Variants in LRP6 observed in about 807,000 individuals in gnomAD.
LRP6 encodes low-density lipoprotein receptor-related protein 6.
LRP6 carries 43 observed loss-of-function variants against 184.1 expected under a neutral mutation model. The ratio of observed to expected loss-of-function variants is 0.23; its 90% CI spans 0.18 to 0.30. The LOEUF is 0.30. Ranked by LOEUF, LRP6 falls within the 10% of genes least tolerant of loss-of-function variation. LRP6 has a pLI of 1.00. For missense variants in LRP6, 1,571 were observed against 2,005.3 expected (o/e 0.78, Z 4.14); for synonymous variants, 719 against 684.9 (o/e 1.05, Z -0.78).
intron 1 of LRP6, chr12:12,248,983 A>T (rs1201435072): frequency 3.7e-6 from 2 of 545,272 alleles, no homozygotes; most frequent in Admixed American, 6.1e-5. Context: ...AGCAACAGCA[A>T]CACAAGGTGG....
intron 22 of LRP6, among the ~76,000 whole-genome samples, chr12:12,122,789 G>A (rs943078880): frequency 1.3e-5 from 2 of 151,930 alleles, no homozygotes; most frequent in African/African-American, 4.8e-5. Flanking sequence ...CTGTGATTGT[G>A]CCCCTGCACT....
Position 12,179,793 on chromosome 12 carries a change from A to G in LRP6, c.1545+17T>C. On this transcript the variant is annotated intron_variant, in intron 7 of 22. Coordinates refer to ENST00000261349, the MANE Select transcript of LRP6 (RefSeq NM_002336.3). ...CATTATAAAAGTGGCTTGAAAATGA[A>G]AAAGCAAAAAACAAACCTCAATCTT... The G allele has an allele frequency of 6.2e-7, 1 of 1,613,394 alleles. No individual in the cohort carries two copies. Among genetic ancestry groups the G allele is most frequent in the Non-Finnish European group, 8.5e-7 (1 of 1,179,628 alleles).
chr12:12,241,880 A>G (rs1865075690), intron 2 of LRP6, among the ~76,000 whole-genome samples: 1 of 152,214 alleles, frequency 6.6e-6, no homozygotes, highest in South Asian at 2.1e-4. Flanking sequence ...ACATTCAATA[A>G]TGAGAAATAA....
At chr12:12,157,093 T>C (rs1367290436) in intron 12 of LRP6, among the ~76,000 whole-genome samples, 1 of 152,244 alleles carries the variant, frequency 6.6e-6, no homozygotes, top group Non-Finnish European at 1.5e-5. Flanking sequence ...CTGCTGGCTC[T>C]TGAACTATAC....
chr12:12,180,240 C>CTTTTT (rs35341305), intron 6 of LRP6, among the ~76,000 whole-genome samples: 69 of 126,082 alleles, frequency 5.5e-4, no homozygotes, highest in African/African-American at 1.8e-3. Context: ...AGTTTTACTT[C>CTTTTT]TTTTTTTTTT....
intron 5 of LRP6, among the ~76,000 whole-genome samples, chr12:12,182,034 G>A (rs1479622713): frequency 2.0e-5 from 3 of 152,138 alleles, no homozygotes; most frequent in East Asian, 1.9e-4. Context: ...TGAGGACAAA[G>A]CAAGCTATGG....
At chr12:12,218,510 A>G (rs1440652970) in intron 2 of LRP6, among the ~76,000 whole-genome samples, 2 of 148,832 alleles carry the variant, frequency 1.3e-5, no homozygotes, top group Admixed American at 6.7e-5. Flanking sequence ...TAATAATAAT[A>G]ATAATAATAC....
chr12:12,228,279 G>A (rs1027715734), intron 2 of LRP6, among the ~76,000 whole-genome samples: 4 of 152,014 alleles, frequency 2.6e-5, no homozygotes, highest in African/African-American at 7.2e-5. Context: ...CATGATAATC[G>A]CTTGAACCCG....
At chr12:12,219,888 C>A (rs1275963738) in intron 2 of LRP6, among the ~76,000 whole-genome samples, 3 of 152,042 alleles carry the variant, frequency 2.0e-5, no homozygotes, top group African/African-American at 2.4e-5. Flanking sequence ...AGGAGGAGGA[C>A]GTAGAGGTCA....
intron 3 of LRP6, among the ~76,000 whole-genome samples, chr12:12,188,348 A>AG (rs2137008282): frequency 6.6e-6 from 1 of 152,306 alleles, no homozygotes; most frequent in African/African-American, 2.4e-5. Flanking sequence ...TAGCCCACCC[A>AG]GGAGGCAGAG....
At chr12:12,206,335 G>A (rs2073488386) in intron 2 of LRP6, among the ~76,000 whole-genome samples, 1 of 152,068 alleles carries the variant, frequency 6.6e-6, no homozygotes, top group African/African-American at 2.4e-5. Flanking sequence ...GAGGTCAGGA[G>A]ATTGAGACCA....
intron 1 of LRP6, among the ~76,000 whole-genome samples, chr12:12,253,423 TTC>T (rs1219504297): frequency 6.6e-6 from 1 of 152,220 alleles, no homozygotes; most frequent in African/African-American, 2.4e-5. Flanking sequence ...TTCACTTTTT[TTC>T]TTTTTTTTTA....
chr12:12,199,509 C>T (rs1488077086), intron 3 of LRP6, among the ~76,000 whole-genome samples: 2 of 152,088 alleles, frequency 1.3e-5, no homozygotes, highest in Non-Finnish European at 2.9e-5. Flanking sequence ...AGACTAAGAA[C>T]AAAAATGTGT....
chr12:12,160,459 T>C (rs1862712099), intron 10 of LRP6, among the ~76,000 whole-genome samples: 1 of 152,176 alleles, frequency 6.6e-6, no homozygotes, highest in Non-Finnish European at 1.5e-5. Flanking sequence ...TAATTATAAA[T>C]ACTAAGCCTT....
At chr12:12,201,176 C>A (rs1218857203) in intron 3 of LRP6, among the ~76,000 whole-genome samples, 1 of 152,124 alleles carries the variant, frequency 6.6e-6, no homozygotes, top group East Asian at 1.9e-4. Context: ...TCTGAACCTT[C>A]TCTTTCCTTC....
intron 1 of LRP6, among the ~76,000 whole-genome samples, chr12:12,256,997 T>C (rs1204247987): frequency 6.6e-6 from 1 of 152,182 alleles, no homozygotes; most frequent in African/African-American, 2.4e-5. Flanking sequence ...TGCTAAGTGA[T>C]AGAAGCTAGA....
intron 7 of LRP6, among the ~76,000 whole-genome samples, chr12:12,173,825 T>C (rs753210906): frequency 6.6e-5 from 10 of 152,274 alleles, no homozygotes; most frequent in Non-Finnish European, 5.9e-5. Context: ...ACAAATTTCA[T>C]TGTTATGCGA....
intron 12 of LRP6, chr12:12,155,652 GA>G: frequency 2.1e-6 from 2 of 958,334 alleles, no homozygotes; most frequent in Non-Finnish European, 3.4e-6. Context: ...AAGCCAAAGA[GA>G]AAGGTACCTG....
At chr12:12,135,797 T>C (rs1949829745) in intron 16 of LRP6, among the ~76,000 whole-genome samples, 1 of 151,952 alleles carries the variant, frequency 6.6e-6, no homozygotes, top group African/African-American at 2.4e-5. Flanking sequence ...CTAACCACTG[T>C]CCTTATATAT....
Sources: gnomAD v4.1 joint callset for allele counts (sites outside exome capture counted in the v4.1 genomes callset) on GRCh38, gnomAD v4.1.1 for gene constraint, MANE v1.5 for transcripts, NCBI Gene and HGNC (gene_info 2026-07-23, HGNC 2026-07-21) for gene names.